GRM7: variants seen among roughly 807,000 people sequenced by gnomAD.
GRM7 encodes the protein glutamate metabotropic receptor 7.
In GRM7, 35 loss-of-function variants were observed where a neutral mutation model predicts 84.5. That is an observed-to-expected ratio of 0.41 (90% confidence interval 0.32 to 0.55). The LOEUF (loss-of-function observed/expected upper bound fraction) is 0.55. Among genes scored for constraint, GRM7 ranks in the 20% least tolerant of loss-of-function variants. GRM7 has a pLI of 0.19. For missense variants in GRM7, 1,003 were observed against 1,194.6 expected, an observed-to-expected ratio of 0.84 and a Z score of 2.36; for synonymous variants, 487 against 455.1, an observed-to-expected ratio of 1.07 and a Z score of -0.89.
intron 1 of GRM7, among the ~76,000 whole-genome samples, chr3:6,898,327 A>G (rs550707608): frequency 7.3e-5 from 11 of 151,202 alleles, no homozygotes; most frequent in Admixed American, 4.0e-4. Flanking sequence ...AATGATGACT[A>G]TGAAGTAGGG....
intron 1 of GRM7, among the ~76,000 whole-genome samples, chr3:7,031,402 T>A (rs944848393): frequency 6.7e-5 from 10 of 149,654 alleles, no homozygotes; most frequent in East Asian, 1.9e-4. Context: ...TTAAATTTTT[T>A]AAATTTTATT....
chr3:6,953,160 G>C (rs1187917825), intron 1 of GRM7, among the ~76,000 whole-genome samples: 4 of 152,168 alleles, frequency 2.6e-5, no homozygotes, highest in East Asian at 1.9e-4. Flanking sequence ...ATAACTTGGG[G>C]ACCCAGATTC....
At chr3:6,970,365 G>A (rs484023) in intron 1 of GRM7, among the ~76,000 whole-genome samples, 139,254 of 152,342 alleles carry the variant, frequency 0.91, 63,749 homozygotes, top group East Asian at 1. Flanking sequence ...TAATTGATGT[G>A]TTTAAATGGT....
intron 1 of GRM7, among the ~76,000 whole-genome samples, chr3:7,085,953 A>T (rs1004883089): frequency 6.6e-6 from 1 of 152,206 alleles, no homozygotes; most frequent in African/African-American, 2.4e-5. Flanking sequence ...ATAAAATGTG[A>T]TAGAAATAAT....
intron 1 of GRM7, among the ~76,000 whole-genome samples, chr3:6,922,285 A>G (rs1480731643): frequency 6.6e-6 from 1 of 152,244 alleles, no homozygotes; most frequent in Non-Finnish European, 1.5e-5. Flanking sequence ...ACAACCAGGA[A>G]GACGCTTGAA....
chr3:7,478,877 A>G (rs568601009), intron 7 of GRM7, among the ~76,000 whole-genome samples: 10 of 152,308 alleles, frequency 6.6e-5, no homozygotes, highest in Non-Finnish European at 1.5e-4. Flanking sequence ...CTGACTCCAT[A>G]AAACCTTCCC....
chr3:7,072,130 C>T (rs945163339), intron 1 of GRM7, among the ~76,000 whole-genome samples: 4 of 152,076 alleles, frequency 2.6e-5, no homozygotes, highest in African/African-American at 9.7e-5. Flanking sequence ...CCAGTTCATA[C>T]TGAGGAGGGA....
chr3:7,047,229 C>A (rs1696837988), intron 1 of GRM7, among the ~76,000 whole-genome samples: 1 of 151,850 alleles, frequency 6.6e-6, no homozygotes, highest in Admixed American at 6.6e-5. Flanking sequence ...TGTTGTAATG[C>A]AGACTGTATG....
At chr3:6,932,343 G>A (rs1028699730) in intron 1 of GRM7, among the ~76,000 whole-genome samples, 4 of 152,046 alleles carry the variant, frequency 2.6e-5, no homozygotes, top group African/African-American at 9.7e-5. Flanking sequence ...TATTCTGATC[G>A]AGTAGCCCAG....
At chr3:7,010,883 C>A (rs1695346310) in intron 1 of GRM7, among the ~76,000 whole-genome samples, 1 of 152,154 alleles carries the variant, frequency 6.6e-6, no homozygotes, top group African/African-American at 2.4e-5. Context: ...GCAAACAAAT[C>A]TTTTTTCCCC....
chr3:7,635,919 TC>T (rs1350336184), intron 8 of GRM7, among the ~76,000 whole-genome samples: 1 of 152,170 alleles, frequency 6.6e-6, no homozygotes, highest in Admixed American at 6.5e-5. Context: ...CAAGCGATCC[TC>T]CTGCCTCAGC....
chr3:6,927,602 G>T (rs1443790521), intron 1 of GRM7, among the ~76,000 whole-genome samples: 4 of 152,066 alleles, frequency 2.6e-5, no homozygotes, highest in African/African-American at 9.7e-5. Flanking sequence ...ATACTTTAGA[G>T]AGAATAAATA....
chr3:7,720,320 C>T, intron 9 of GRM7, among the ~76,000 whole-genome samples: 1 of 150,930 alleles, frequency 6.6e-6, no homozygotes, highest in Non-Finnish European at 1.5e-5. Flanking sequence ...TTTTTTTTTT[C>T]CTCCAGCCAT....
intron 7 of GRM7, among the ~76,000 whole-genome samples, chr3:7,533,067 G>A (rs1185350687): frequency 6.6e-6 from 1 of 152,032 alleles, no homozygotes; most frequent in Non-Finnish European, 1.5e-5. Context: ...ACACCCCACT[G>A]TCAATATTAG....
At chr3:7,384,856 C>T (rs1467739827) in intron 4 of GRM7, among the ~76,000 whole-genome samples, 3 of 152,202 alleles carry the variant, frequency 2.0e-5, no homozygotes, top group Non-Finnish European at 4.4e-5. Context: ...AAACTGGCCA[C>T]ACTTCCCCTC....
At chr3:7,309,897 C>T (rs1167496080) in intron 4 of GRM7, among the ~76,000 whole-genome samples, 1 of 152,166 alleles carries the variant, frequency 6.6e-6, no homozygotes, top group Non-Finnish European at 1.5e-5. Flanking sequence ...GGCAGCACTC[C>T]TCCAGCTCCT....
intron 8 of GRM7, among the ~76,000 whole-genome samples, chr3:7,602,156 G>C (rs1235624183): frequency 6.6e-6 from 1 of 151,452 alleles, no homozygotes; most frequent in Non-Finnish European, 1.5e-5. Context: ...TAAGGGGAGA[G>C]CTTGTAAATA....
chr3:6,896,724 T>C (rs1053082006), intron 1 of GRM7, among the ~76,000 whole-genome samples: 48 of 152,032 alleles, frequency 3.2e-4, no homozygotes, highest in Admixed American at 9.2e-4. Flanking sequence ...TTCATTTCCC[T>C]TTGTGTGCAG....
chr3:7,064,397 C>T (rs182136193), intron 1 of GRM7, among the ~76,000 whole-genome samples: 1 of 148,028 alleles, frequency 6.8e-6, no homozygotes, highest in Non-Finnish European at 1.5e-5. Flanking sequence ...ATCCAGGTCG[C>T]TGCAAATGCT....
Sources: gnomAD v4.1 joint callset for allele counts (sites outside exome capture counted in the v4.1 genomes callset) on GRCh38, gnomAD v4.1.1 for gene constraint, MANE v1.5 for transcripts, NCBI Gene and HGNC (gene_info 2026-07-23, HGNC 2026-07-21) for gene names.